Variants in MAGI2 observed in about 807,000 individuals in gnomAD.
MAGI2 encodes membrane-associated guanylate kinase, WW and PDZ domain-containing protein 2.
Under a neutral mutation model 133.3 loss-of-function variants are expected in MAGI2, and 35 were observed. The ratio of observed to expected loss-of-function variants is 0.26; its 90% confidence interval spans 0.20 to 0.35. The LOEUF is 0.35. Among genes scored for constraint, MAGI2 ranks in the 10% least tolerant of loss-of-function variants. The pLI is 1.00. For synonymous variants in MAGI2, 729 were observed against 710.6 expected (o/e 1.03, Z -0.41); for missense variants, 1,636 against 1,863.4 (o/e 0.88, Z 2.25).
chr7:79,169,133 T>A (rs1277609581), intron 1 of MAGI2, among the ~76,000 whole-genome samples: 2 of 151,986 alleles, frequency 1.3e-5, no homozygotes, highest in Non-Finnish European at 2.9e-5. Context: ...TATGTTTATA[T>A]TTCCCCTTAT....
intron 2 of MAGI2, among the ~76,000 whole-genome samples, chr7:78,788,364 A>G (rs1827002582): frequency 6.6e-6 from 1 of 152,130 alleles, no homozygotes; most frequent in Non-Finnish European, 1.5e-5. Context: ...GAGAACAATC[A>G]AAATGCATTT....
chr7:78,465,281 C>T (rs1321672891), intron 6 of MAGI2, among the ~76,000 whole-genome samples: 3 of 152,178 alleles, frequency 2.0e-5, no homozygotes, highest in East Asian at 1.9e-4. Flanking sequence ...GGGCAGGGTT[C>T]CTAGCATATG....
At chr7:78,127,867 A>G (rs984787788) in intron 18 of MAGI2, among the ~76,000 whole-genome samples, 9 of 152,190 alleles carry the variant, frequency 5.9e-5, no homozygotes, top group African/African-American at 1.9e-4. Context: ...ATTACTTCAT[A>G]AAAACATGAT....
At chr7:78,816,162 A>G (rs1485889458) in intron 2 of MAGI2, among the ~76,000 whole-genome samples, 1 of 152,352 alleles carries the variant, frequency 6.6e-6, no homozygotes. Flanking sequence ...CACCAGCTAC[A>G]TTTGCTGAAA....
chr7:79,184,623 G>A (rs1423333438), intron 1 of MAGI2, among the ~76,000 whole-genome samples: 4 of 151,648 alleles, frequency 2.6e-5, no homozygotes, highest in African/African-American at 9.7e-5. Flanking sequence ...ACTTTGCATA[G>A]GAGAAAAGCA....
rs559817807 is a variant in MAGI2 at position 78,279,129 on chromosome 7, C to G, written c.1409-22548G>C. Among the ~76,000 whole-genome samples, 4 of 152,234 alleles carry G rather than the reference C, an allele frequency of 2.6e-5. No individual in the cohort carries two copies. In the South Asian group the frequency reaches 8.3e-4, roughly 32 times the overall value. On this transcript the variant is annotated intron_variant, in intron 9 of 21. Transcript: ENST00000354212. ...TAGTTGGTTTTTAGTCCTTTACTTA[C>G]TTGGTACAGCACAAACACCGAATGG...
chr7:78,082,900 T>C (rs746380784), intron 20 of MAGI2, among the ~76,000 whole-genome samples: 4 of 152,196 alleles, frequency 2.6e-5, no homozygotes, highest in Non-Finnish European at 5.9e-5. Flanking sequence ...TCATTTTCAT[T>C]CCAATATCAG....
chr7:78,821,039 G>A (rs2151426170), intron 2 of MAGI2, among the ~76,000 whole-genome samples: 1 of 152,072 alleles, frequency 6.6e-6, no homozygotes, highest in Middle Eastern at 3.4e-3. Flanking sequence ...ATCAGACATG[G>A]AGAAGTAGTG....
At chr7:78,956,990 G>A (rs890779522) in intron 2 of MAGI2, among the ~76,000 whole-genome samples, 5 of 152,008 alleles carry the variant, frequency 3.3e-5, no homozygotes, top group East Asian at 1.9e-4. Flanking sequence ...GGGGTCAGGC[G>A]CGGTAGCTCA....
intron 7 of MAGI2, among the ~76,000 whole-genome samples, chr7:78,365,189 T>G (rs1309889749): frequency 1.3e-5 from 2 of 152,092 alleles, no homozygotes; most frequent in African/African-American, 4.8e-5. Context: ...TGGTGGGTAA[T>G]GGAGCTGGTG....
At chr7:79,163,745 T>G (rs1422495387) in intron 1 of MAGI2, among the ~76,000 whole-genome samples, 1 of 152,060 alleles carries the variant, frequency 6.6e-6, no homozygotes, top group Non-Finnish European at 1.5e-5. Context: ...TTTACTGCCC[T>G]CTGATTTCAC....
chr7:79,409,226 A>AT (rs1845997255), intron 1 of MAGI2, among the ~76,000 whole-genome samples: 2 of 149,208 alleles, frequency 1.3e-5, no homozygotes, highest in South Asian at 2.1e-4. Flanking sequence ...GAATTAAAAA[A>AT]ATTTTTTTTC....
At chr7:78,374,890 A>G (rs549076885) in intron 6 of MAGI2, among the ~76,000 whole-genome samples, 38 of 151,884 alleles carry the variant, frequency 2.5e-4, no homozygotes, top group African/African-American at 8.9e-4. Context: ...CCCAGGCTGG[A>G]GGACAGTGGC....
chr7:78,448,554 C>T (rs1420331742), intron 6 of MAGI2, among the ~76,000 whole-genome samples: 1 of 151,616 alleles, frequency 6.6e-6, no homozygotes, highest in Non-Finnish European at 1.5e-5. Flanking sequence ...GCCAACACTT[C>T]TATTATTCCA....
intron 6 of MAGI2, among the ~76,000 whole-genome samples, chr7:78,417,022 C>T (rs1415659596): frequency 6.6e-6 from 1 of 152,022 alleles, no homozygotes. Context: ...TCACTGAAAG[C>T]CTCCAAATAT....
At chr7:78,402,759 A>G (rs13240379) in intron 6 of MAGI2, among the ~76,000 whole-genome samples, 125,233 of 152,126 alleles carry the variant, frequency 0.82, 51,749 homozygotes, top group African/African-American at 0.88. Context: ...AATGAATATT[A>G]TTAACTTCAT....
At chr7:78,919,390 A>C (rs1799056438) in intron 2 of MAGI2, among the ~76,000 whole-genome samples, 1 of 152,120 alleles carries the variant, frequency 6.6e-6, no homozygotes, top group Non-Finnish European at 1.5e-5. Flanking sequence ...TATATAATTT[A>C]ATAGAGATCA....
At chr7:78,442,315 T>A (rs1036098677) in intron 6 of MAGI2, among the ~76,000 whole-genome samples, 2 of 152,218 alleles carry the variant, frequency 1.3e-5, no homozygotes, top group African/African-American at 4.8e-5. Flanking sequence ...ATGTGTCTTA[T>A]ACGAATCATC....
At chr7:78,458,914 G>A (rs1453017420) in intron 6 of MAGI2, among the ~76,000 whole-genome samples, 3 of 152,132 alleles carry the variant, frequency 2.0e-5, no homozygotes, top group South Asian at 2.1e-4. Context: ...GATTACAGGC[G>A]TGAGCCACTG....
Sources: gnomAD v4.1 joint callset for allele counts (sites outside exome capture counted in the v4.1 genomes callset) on GRCh38, gnomAD v4.1.1 for gene constraint, MANE v1.5 for transcripts, NCBI Gene and HGNC (gene_info 2026-07-23, HGNC 2026-07-21) for gene names.